The following RBMS3 variants were observed in gnomAD, a reference collection of about 807,000 sequenced individuals.
The protein encoded by RBMS3 is RNA-binding motif, single-stranded-interacting protein 3.
A neutral mutation model predicts 66.8 loss-of-function variants in RBMS3; 27 were observed. The observed-to-expected ratio is 0.40, with a 90% CI of 0.30 to 0.56. RBMS3 has a LOEUF of 0.56. Among genes scored for constraint, RBMS3 ranks in the 20% least tolerant of loss-of-function variants. The pLI is 0.40. For synonymous variants in RBMS3, 188 were observed against 183.0 expected (o/e 1.03, Z -0.22); for missense variants, 513 against 549.5 (o/e 0.93, Z 0.66).
At chr3:29,806,842 C>G (rs913035848) in intron 6 of RBMS3, among the ~76,000 whole-genome samples, 1 of 151,878 alleles carries the variant, frequency 6.6e-6, no homozygotes, top group African/African-American at 2.4e-5. Context: ...AGGAGCTATG[C>G]TTTTAACGTC....
At chr3:29,386,933 G>A (rs1472385199) in intron 1 of RBMS3, among the ~76,000 whole-genome samples, 2 of 152,040 alleles carry the variant, frequency 1.3e-5, no homozygotes, top group African/African-American at 4.8e-5. Context: ...TTAAAATCTT[G>A]GTAACATTTG....
Position 29,896,491 on chromosome 3 carries a change from G to C in RBMS3, c.792-888G>C, listed in dbSNP as rs865857257. The stretch of plus-strand genomic sequence containing the variant: ...CACATCGCTGACATACTCCATCTCA[G>C]GCAACCTGGTTTTGTCTGTTCTGTG... On this transcript the variant is annotated intron_variant, in intron 8 of 14. Transcript: ENST00000383767. Among the ~76,000 whole-genome samples the C allele has an allele frequency of 2.6e-5, 4 of 151,518 alleles. No homozygotes were observed. The South Asian group carries it at 8.3e-4, about 31-fold the overall frequency.
chr3:29,637,187 G>A (rs2049508247), intron 4 of RBMS3, among the ~76,000 whole-genome samples: 3 of 151,788 alleles, frequency 2.0e-5, no homozygotes. Flanking sequence ...CCAAAGCGAT[G>A]CCAGATTGAC....
At chr3:29,965,555 G>T (rs1191106202) in intron 12 of RBMS3, among the ~76,000 whole-genome samples, 1 of 152,006 alleles carries the variant, frequency 6.6e-6, no homozygotes, top group Non-Finnish European at 1.5e-5. Context: ...CACGTCCTTG[G>T]CCCACTTTTT....
intron 6 of RBMS3, among the ~76,000 whole-genome samples, chr3:29,783,544 A>G (rs546612823): frequency 1.3e-5 from 2 of 152,272 alleles, no homozygotes; most frequent in Non-Finnish European, 2.9e-5. Flanking sequence ...TGTTAAAGGG[A>G]GCTCTAAATC....
At chr3:29,658,322 G>C (rs529831990) in intron 4 of RBMS3, among the ~76,000 whole-genome samples, 1 of 152,084 alleles carries the variant, frequency 6.6e-6, no homozygotes, top group African/African-American at 2.4e-5. Flanking sequence ...AATTTTGTGG[G>C]CATAGCAGTC....
At chr3:29,765,114 T>A (rs1480066782) in intron 6 of RBMS3, among the ~76,000 whole-genome samples, 1 of 152,040 alleles carries the variant, frequency 6.6e-6, no homozygotes, top group African/African-American at 2.4e-5. Flanking sequence ...TAATCTTTGA[T>A]ACTTAAATTA....
chr3:29,527,685 C>T (rs959136016), intron 3 of RBMS3, among the ~76,000 whole-genome samples: 3 of 152,064 alleles, frequency 2.0e-5, no homozygotes, highest in African/African-American at 7.2e-5. Context: ...GGAATGCTTC[C>T]TGATTTATAA....
chr3:29,701,205 AG>A (rs1253858706), intron 4 of RBMS3, among the ~76,000 whole-genome samples: 1 of 151,946 alleles, frequency 6.6e-6, no homozygotes, highest in Non-Finnish European at 1.5e-5. Flanking sequence ...TGAACCTGGG[AG>A]GCAGAGGTTG....
At chr3:29,735,814 C>G (rs137925334) in intron 4 of RBMS3, among the ~76,000 whole-genome samples, 1 of 152,150 alleles carries the variant, frequency 6.6e-6, no homozygotes, top group Non-Finnish European at 1.5e-5. Flanking sequence ...TAGCCTGTTC[C>G]TCTAGCTGAG....
At chr3:29,358,764 C>A (rs1449396298) in intron 1 of RBMS3, among the ~76,000 whole-genome samples, 1 of 152,074 alleles carries the variant, frequency 6.6e-6, no homozygotes, top group Non-Finnish European at 1.5e-5. Flanking sequence ...TCCTTCACAT[C>A]CCTTGTAAGT....
intron 6 of RBMS3, among the ~76,000 whole-genome samples, chr3:29,867,344 T>C (rs1229017950): frequency 2.0e-5 from 3 of 151,568 alleles, no homozygotes; most frequent in East Asian, 3.9e-4. Flanking sequence ...CATGAAACAA[T>C]AAAGATTTCT....
At chr3:29,965,312 T>C (rs981072390) in intron 12 of RBMS3, among the ~76,000 whole-genome samples, 1 of 152,168 alleles carries the variant, frequency 6.6e-6, no homozygotes, top group Non-Finnish European at 1.5e-5. Context: ...CTGTTTTCCA[T>C]AGCAGCTTTA....
intron 10 of RBMS3, among the ~76,000 whole-genome samples, chr3:29,917,821 G>A (rs1379791792): frequency 2.0e-5 from 3 of 152,042 alleles, no homozygotes; most frequent in Non-Finnish European, 2.9e-5. Flanking sequence ...GTAACAAAAC[G>A]TTTGTGAACC....
chr3:29,362,265 C>T (rs959552203), intron 1 of RBMS3, among the ~76,000 whole-genome samples: 3 of 152,208 alleles, frequency 2.0e-5, no homozygotes, highest in Non-Finnish European at 2.9e-5. Flanking sequence ...TTCCTTTTAA[C>T]AGTCAGGACC....
intron 4 of RBMS3, among the ~76,000 whole-genome samples, chr3:29,689,478 T>G (rs1372928678): frequency 6.6e-6 from 1 of 152,186 alleles, no homozygotes; most frequent in African/African-American, 2.4e-5. Context: ...CAGTAGATAT[T>G]CTCAGGAGTT....
intron 4 of RBMS3, among the ~76,000 whole-genome samples, chr3:29,590,981 A>G (rs2047714200): frequency 6.6e-6 from 1 of 152,106 alleles, no homozygotes; most frequent in African/African-American, 2.4e-5. Context: ...AGTATGGCTG[A>G]TTTTGTCCTT....
chr3:29,412,505 T>A (rs906187263), intron 1 of RBMS3, among the ~76,000 whole-genome samples: 1 of 152,178 alleles, frequency 6.6e-6, no homozygotes, highest in African/African-American at 2.4e-5. Context: ...ACTTATCTAA[T>A]AAAACTAATA....
intron 1 of RBMS3, among the ~76,000 whole-genome samples, chr3:29,319,372 T>C (rs1035402459): frequency 6.6e-6 from 1 of 152,042 alleles, no homozygotes; most frequent in South Asian, 2.1e-4. Flanking sequence ...TATTCTTCTT[T>C]AACTTATTTC....
Sources: allele counts gnomAD v4.1 joint callset (sites outside exome capture counted in the v4.1 genomes callset), GRCh38; gene constraint gnomAD v4.1.1; transcripts MANE v1.5; gene names NCBI Gene and HGNC (gene_info 2026-07-23, HGNC 2026-07-21).